The following NKAIN3 variants were observed in gnomAD, a reference collection of about 807,000 sequenced individuals.
NKAIN3 encodes the protein sodium/potassium-transporting ATPase subunit beta-1-interacting protein 3.
Under a neutral mutation model 30.2 loss-of-function variants are expected in NKAIN3, and 25 were observed. That is an observed-to-expected ratio of 0.83 (90% CI 0.60 to 1.16). The LOEUF (loss-of-function observed/expected upper bound fraction) is 1.16. NKAIN3 is among the 50% of genes most tolerant of loss of function. The probability of loss-of-function intolerance (pLI) is 0.00; values close to 1 mark genes in which losing one functional copy is unlikely to be tolerated. For missense variants in NKAIN3, 225 were observed against 254.1 expected (o/e 0.89, Z 0.78); for synonymous variants, 91 against 89.6 (o/e 1.02, Z -0.09).
intron 1 of NKAIN3, among the ~76,000 whole-genome samples, chr8:62,493,841 A>C (rs1215747133): frequency 6.6e-6 from 1 of 152,058 alleles, no homozygotes; most frequent in Admixed American, 6.6e-5. Context: ...CTGTTGGTGT[A>C]TAGGAATGCT....
chr8:62,813,748 A>C (rs1205925662), intron 4 of NKAIN3, among the ~76,000 whole-genome samples: 1 of 151,794 alleles, frequency 6.6e-6, no homozygotes, highest in East Asian at 1.9e-4. Context: ...CTACCAGTAA[A>C]CTTCATAACT....
chr8:62,595,153 T>C (rs1810782650), intron 3 of NKAIN3, among the ~76,000 whole-genome samples: 1 of 151,434 alleles, frequency 6.6e-6, no homozygotes, highest in African/African-American at 2.4e-5. Flanking sequence ...CATTTTTATG[T>C]TGTTACTAAA....
chr8:62,403,378 T>C (rs1416479508), intron 1 of NKAIN3, among the ~76,000 whole-genome samples: 1 of 152,126 alleles, frequency 6.6e-6, no homozygotes, highest in African/African-American at 2.4e-5. Context: ...ATGGGGAAAA[T>C]GTCTCCAGGG....
intron 3 of NKAIN3, among the ~76,000 whole-genome samples, chr8:62,595,767 G>A (rs536574865): frequency 1.3e-5 from 2 of 152,094 alleles, no homozygotes; most frequent in African/African-American, 4.8e-5. Context: ...GGGTGTAGTA[G>A]GGGTTGTGCA....
At chr8:62,440,874 C>T (rs1354298578) in intron 1 of NKAIN3, among the ~76,000 whole-genome samples, 1 of 152,132 alleles carries the variant, frequency 6.6e-6, no homozygotes, top group Non-Finnish European at 1.5e-5. Flanking sequence ...TGAATGTCTG[C>T]TCAAAGCTGC....
chr8:62,597,629 T>G (rs1810872864), intron 3 of NKAIN3, among the ~76,000 whole-genome samples: 1 of 151,994 alleles, frequency 6.6e-6, no homozygotes, highest in South Asian at 2.1e-4. Flanking sequence ...AAACAAAATT[T>G]ACTTAGTAGG....
At chr8:62,418,250 G>A (rs533283957) in intron 1 of NKAIN3, among the ~76,000 whole-genome samples, 11 of 152,298 alleles carry the variant, frequency 7.2e-5, no homozygotes, top group Non-Finnish European at 1.3e-4. Context: ...TAAGAGGCAA[G>A]TGAATCTAAG....
intron 1 of NKAIN3, among the ~76,000 whole-genome samples, chr8:62,415,035 AATATT>A (rs1804385066): frequency 1.3e-5 from 1 of 75,792 alleles, no homozygotes; most frequent in African/African-American, 3.5e-5. Context: ...ATTAATTAGA[AATATT>A]ATATATATAT....
At chr8:62,451,924 A>C (rs184858135) in intron 1 of NKAIN3, among the ~76,000 whole-genome samples, 39 of 152,324 alleles carry the variant, frequency 2.6e-4, no homozygotes, top group African/African-American at 9.4e-4. Flanking sequence ...CTTTCAGAAC[A>C]TTACCTTTAT....
intron 4 of NKAIN3, chr8:62,863,050 A>C: frequency 1.2e-6 from 1 of 845,988 alleles, no homozygotes; most frequent in Non-Finnish European, 1.9e-6. Flanking sequence ...TGGAGACTCT[A>C]GGTGCTTTGA....
At chr8:62,752,254 A>G (rs1816305521) in intron 4 of NKAIN3, among the ~76,000 whole-genome samples, 1 of 152,162 alleles carries the variant, frequency 6.6e-6, no homozygotes, top group South Asian at 2.1e-4. Context: ...TTCAATACAT[A>G]CTAGTTTCAC....
downstream of NKAIN3, among the ~76,000 whole-genome samples, chr8:62,986,054 G>A (rs755905883): frequency 1.3e-5 from 2 of 152,182 alleles, no homozygotes; most frequent in South Asian, 2.1e-4. Context: ...CTTGGATGAG[G>A]ATTTGAATTC....
intron 1 of NKAIN3, among the ~76,000 whole-genome samples, chr8:62,420,746 T>C (rs142818258): frequency 1.3e-5 from 2 of 152,132 alleles, no homozygotes; most frequent in Non-Finnish European, 2.9e-5. Context: ...ATCTGTATAT[T>C]ATAAAAATAG....
chr8:62,702,548 TGTATTACCAAGG>T (rs1157887434), intron 3 of NKAIN3, among the ~76,000 whole-genome samples: 1 of 152,228 alleles, frequency 6.6e-6, no homozygotes, highest in African/African-American at 2.4e-5. Context: ...TTATTGTACT[TGTATTACCAAGG>T]GTAAATACCA....
intron 1 of NKAIN3, among the ~76,000 whole-genome samples, chr8:62,379,602 G>A (rs569232991): frequency 1.1e-3 from 163 of 152,246 alleles, no homozygotes; most frequent in African/African-American, 3.8e-3. Context: ...GGTTTTATGA[G>A]TCTGGCATTT....
chr8:62,729,040 C>CAAAAAAACAAACAAAAAAAA (rs1815374445), intron 3 of NKAIN3, among the ~76,000 whole-genome samples: 3 of 61,208 alleles, frequency 4.9e-5, no homozygotes, highest in South Asian at 7.0e-4. Context: ...AAAAAAAAAA[C>CAAAAAAACAAACAAAAAAAA]AAAAAAAAAA....
intron 1 of NKAIN3, among the ~76,000 whole-genome samples, chr8:62,394,641 T>C (rs77573032): frequency 5.0e-3 from 190 of 38,108 alleles, no homozygotes; most frequent in East Asian, 0.022. Flanking sequence ...CAGACAGAGG[T>C]GCTCCTCACT....
chr8:62,692,118 G>C (rs1293527629), intron 3 of NKAIN3, among the ~76,000 whole-genome samples: 1 of 152,118 alleles, frequency 6.6e-6, no homozygotes, highest in Non-Finnish European at 1.5e-5. Context: ...AGGATCTCAA[G>C]GCCACTTGAA....
intron 1 of NKAIN3, among the ~76,000 whole-genome samples, chr8:62,376,299 C>A (rs1197494980): frequency 6.6e-6 from 1 of 152,194 alleles, no homozygotes; most frequent in East Asian, 1.9e-4. Context: ...ATACTCTCTG[C>A]AGAAAGGCTT....
Sources: gnomAD v4.1 joint callset for allele counts (sites outside exome capture counted in the v4.1 genomes callset) on GRCh38, gnomAD v4.1.1 for gene constraint, MANE v1.5 for transcripts, NCBI Gene and HGNC (gene_info 2026-07-23, HGNC 2026-07-21) for gene names.